The following ANO3 variants were observed in gnomAD, a reference collection of about 807,000 sequenced individuals.
The protein encoded by ANO3 is anoctamin 3.
Under a neutral mutation model 144.8 loss-of-function variants are expected in ANO3, and 99 were observed. That is an observed-to-expected ratio of 0.68 (90% CI 0.58 to 0.81). The LOEUF (loss-of-function observed/expected upper bound fraction) is 0.81, where lower values mean the gene tolerates loss of function less well. Among genes scored for constraint, ANO3 ranks in the 30% least tolerant of loss-of-function variants. The pLI, the probability that ANO3 is intolerant of heterozygous loss-of-function variation, is 0.00. For missense variants in ANO3, 905 were observed against 1,202.2 expected (o/e 0.75, Z 3.66); for synonymous variants, 414 against 392.6 (o/e 1.05, Z -0.64).
intron 13 of ANO3, among the ~76,000 whole-genome samples, chr11:26,558,304 C>T (rs757565965): frequency 7.2e-4 from 109 of 152,186 alleles, no homozygotes; most frequent in Non-Finnish European, 1.2e-3. Flanking sequence ...ACCTTTAAAT[C>T]CCCATGTGTA....
At chr11:26,257,786 G>A (rs956906538) in intron 1 of ANO3, among the ~76,000 whole-genome samples, 13 of 142,254 alleles carry the variant, frequency 9.1e-5, no homozygotes, top group African/African-American at 2.5e-4. Flanking sequence ...AAAGATAAGC[G>A]ACATTTTTGA....
chr11:26,653,663 ACAGTCCC>A (rs1303882756), intron 24 of ANO3, among the ~76,000 whole-genome samples: 3 of 151,410 alleles, frequency 2.0e-5, no homozygotes, highest in African/African-American at 7.3e-5. Flanking sequence ...CCGCCCTCTC[ACAGTCCC>A]CAGTACGTGC....
chr11:26,221,904 C>T (rs1441584108), intron 1 of ANO3, among the ~76,000 whole-genome samples: 2 of 152,176 alleles, frequency 1.3e-5, no homozygotes, highest in Non-Finnish European at 2.9e-5. Flanking sequence ...CAAGGCCCGC[C>T]TCCAACACTA....
intron 1 of ANO3, among the ~76,000 whole-genome samples, chr11:26,257,791 T>C (rs1397187388): frequency 6.6e-6 from 1 of 152,070 alleles, no homozygotes; most frequent in African/African-American, 2.4e-5. Context: ...TAAGCGACAT[T>C]TTTGACAAAT....
intron 4 of ANO3, among the ~76,000 whole-genome samples, chr11:26,483,800 G>A (rs923259401): frequency 2.6e-5 from 4 of 152,162 alleles, no homozygotes; most frequent in African/African-American, 9.7e-5. Context: ...TTGGAAGAGT[G>A]TGGAGGGCTC....
At position 26,547,502 on chromosome 11, in the gene ANO3, T is replaced by C; in HGVS notation, c.1241T>C (p.Leu414Ser). ...GMLIPAAIVGLCVFFYGLFTM... is the reference protein window; with the variant it reads ...GMLIPAAIVGSCVFFYGLFTM... Reference sequence around the variant, plus strand: ...TTGATTCCTGCAGCAATTGTTGGTTTGTGCGTTTTCTTCTATGGATTATTT... The same window carrying C: ...TTGATTCCTGCAGCAATTGTTGGTTCGTGCGTTTTCTTCTATGGATTATTT... Residue 414 changes from leucine (L) to serine (S), a missense_variant, in exon 12 of 27, where the codon TTG becomes TCG. Physicochemically the swap from Leu to Ser is moderately radical, Grantham distance 145. This residue lies in a region of ANO3 where 597 missense variants were observed against 865.1 expected (regional missense o/e 0.69). Coordinates refer to ENST00000256737, the MANE Select transcript of ANO3 (RefSeq NM_031418.4). 1 of 1,612,208 alleles carries C rather than the reference T, an allele frequency of 6.2e-7. No homozygotes were observed. The highest frequency in any genetic ancestry group is 8.5e-7 in the Non-Finnish European group (1 of 1,178,646).
chr11:26,560,465 T>G (rs1244835533), intron 14 of ANO3: 3 of 152,372 alleles, frequency 2.0e-5, no homozygotes, highest in Admixed American at 2.0e-4. Context: ...ATGCAGTCAT[T>G]GTCAGCTTCA....
At chr11:26,203,161 C>T (rs1028532031) in intron 1 of ANO3, among the ~76,000 whole-genome samples, 1 of 152,126 alleles carries the variant, frequency 6.6e-6, no homozygotes, top group Non-Finnish European at 1.5e-5. Context: ...AAGAAATCTT[C>T]CTTCCCTGCT....
intron 4 of ANO3, among the ~76,000 whole-genome samples, chr11:26,493,768 T>A (rs1238573431): frequency 2.6e-5 from 4 of 152,186 alleles, no homozygotes; most frequent in Admixed American, 2.6e-4. Context: ...CTCCTCCTCC[T>A]TCTTGTTTGC....
intron 1 of ANO3, among the ~76,000 whole-genome samples, chr11:26,416,412 A>C (rs2133992185): frequency 6.6e-6 from 1 of 151,604 alleles, no homozygotes; most frequent in South Asian, 2.1e-4. Flanking sequence ...TTCCTGTTTT[A>C]GTTTTTTTTT....
intron 2 of ANO3, 99 bp from the exon 3 acceptor site, chr11:26,443,666 A>G (rs1435151321): frequency 1.7e-6 from 1 of 571,470 alleles, no homozygotes; most frequent in Non-Finnish European, 3.0e-6. Context: ...AAGAAATTTC[A>G]TCATGTTTGG....
intron 4 of ANO3, among the ~76,000 whole-genome samples, chr11:26,499,211 A>T (rs1861089682): frequency 6.6e-6 from 1 of 151,900 alleles, no homozygotes; most frequent in Non-Finnish European, 1.5e-5. Flanking sequence ...TATTGGTTGT[A>T]TTCATAAAAA....
At chr11:26,237,368 T>G (rs1404758350) in intron 1 of ANO3, among the ~76,000 whole-genome samples, 1 of 152,088 alleles carries the variant, frequency 6.6e-6, no homozygotes, top group Admixed American at 6.6e-5. Flanking sequence ...TTTTTAAAAG[T>G]TTTGCTTTCC....
At chr11:26,597,484 A>T (rs1173799162) in intron 14 of ANO3, among the ~76,000 whole-genome samples, 1 of 152,270 alleles carries the variant, frequency 6.6e-6, no homozygotes, top group Middle Eastern at 3.4e-3. Flanking sequence ...AGCACAGTGG[A>T]CACCCTGCCG....
chr11:26,475,048 C>T (rs1859909369), intron 4 of ANO3, among the ~76,000 whole-genome samples: 1 of 151,742 alleles, frequency 6.6e-6, no homozygotes, highest in South Asian at 2.1e-4. Flanking sequence ...TTTGTGTCTT[C>T]ATTAGATAAA....
In ANO3 at chr11:26,602,681, G is replaced by T. The variant is rs571217761; in HGVS notation, c.1836+2967G>T. On this transcript the variant is annotated intron_variant, in intron 17 of 26. Coordinates refer to ENST00000256737, the MANE Select transcript of ANO3 (RefSeq NM_031418.4). ...GTGGGAGGGTCAGTTGAGACCAGAG[G>T]CCAAAGCTACAATAAGCTGTGATCA... Among the ~76,000 whole-genome samples, 4 of 149,934 alleles carry T rather than the reference G, an allele frequency of 2.7e-5. No homozygotes were observed. The South Asian group carries it at 8.4e-4, about 32-fold the overall frequency.
At chr11:26,298,142 G>T (rs1051939007) in intron 1 of ANO3, among the ~76,000 whole-genome samples, 1 of 152,152 alleles carries the variant, frequency 6.6e-6, no homozygotes, top group African/African-American at 2.4e-5. Context: ...AATGTCAATT[G>T]TGAATTGATG....
chr11:26,469,280 C>T (rs935364396), intron 4 of ANO3, among the ~76,000 whole-genome samples: 1 of 151,808 alleles, frequency 6.6e-6, no homozygotes, highest in African/African-American at 2.4e-5. Context: ...TTCAGAGTTG[C>T]TTCAAATTTT....
chr11:26,237,308 T>C (rs1469505610), intron 1 of ANO3, among the ~76,000 whole-genome samples: 1 of 152,166 alleles, frequency 6.6e-6, no homozygotes, highest in African/African-American at 2.4e-5. Context: ...CTTCAAATAG[T>C]TATTTTTTCC....
Sources: allele counts gnomAD v4.1 joint callset (sites outside exome capture counted in the v4.1 genomes callset), GRCh38; gene constraint gnomAD v4.1.1; regional missense constraint gnomAD v4.1.1; transcripts MANE v1.5; gene names NCBI Gene and HGNC (gene_info 2026-07-23, HGNC 2026-07-21).